Variants in SGTB observed in about 807,000 individuals in gnomAD.
The protein encoded by SGTB is small glutamine rich tetratricopeptide repeat co-chaperone beta, also known as small glutamine-rich tetratricopeptide repeat-containing protein beta.
In SGTB, 19 loss-of-function variants were observed where a neutral mutation model predicts 43.9. The observed-to-expected ratio is 0.43, with a 90% CI of 0.30 to 0.63. The LOEUF (loss-of-function observed/expected upper bound fraction) is 0.63, where lower values mean the gene tolerates loss of function less well. Ranked by LOEUF, SGTB falls within the 30% of genes least tolerant of loss-of-function variation. SGTB has a pLI of 0.12. For synonymous variants in SGTB, 116 were observed against 117.3 expected (o/e 0.99, Z 0.07); for missense variants, 304 against 358.9 (o/e 0.85, Z 1.24).
intron 8 of SGTB, among the ~76,000 whole-genome samples, chr5:65,674,235 G>GA (rs1157041524): frequency 1.3e-5 from 2 of 151,968 alleles, no homozygotes; most frequent in Non-Finnish European, 2.9e-5. Context: ...CCTATTCTTT[G>GA]AAAAGGGTAA....
chr5:65,669,996 A>G lies in SGTB; in HGVS notation c.*250T>C, dbSNP rs1017017908. 1 of 396,234 alleles carries G rather than the reference A, an allele frequency of 2.5e-6. No homozygotes were observed. The highest frequency in any genetic ancestry group is 4.5e-6 in the Non-Finnish European group (1 of 221,642). The allele number at this position is 396,234 out of a possible 1,614,324, so 24.5% of individuals were successfully genotyped here. On this transcript the variant is annotated 3_prime_UTR_variant, in exon 11 of 11. Coordinates refer to ENST00000381007, the MANE Select transcript of SGTB (RefSeq NM_019072.3). ...GAAAATGGAACCTTATCCCAGTGCTATATTGGCACGTAACATGGCTAGTGA... is the reference window on the plus strand; with the variant it reads ...GAAAATGGAACCTTATCCCAGTGCTGTATTGGCACGTAACATGGCTAGTGA...
At chr5:65,676,820 C>A (rs1757273951) in intron 8 of SGTB, among the ~76,000 whole-genome samples, 1 of 152,016 alleles carries the variant, frequency 6.6e-6, no homozygotes, top group South Asian at 2.1e-4. Flanking sequence ...GCTAAAATTT[C>A]ATTCTTGTTA....
chr5:65,692,150 G>A (rs1757626767), intron 5 of SGTB, among the ~76,000 whole-genome samples: 1 of 152,088 alleles, frequency 6.6e-6, no homozygotes, highest in African/African-American at 2.4e-5. Flanking sequence ...GCCGAAAAAG[G>A]AAGAGAGGAA....
At chr5:65,691,095 A>G (rs28410888) in intron 5 of SGTB, among the ~76,000 whole-genome samples, 8,616 of 152,264 alleles carry the variant, frequency 0.057, 801 homozygotes, top group African/African-American at 0.2. Context: ...GGTTTTCACC[A>G]TGGGAGAAGG....
chr5:65,688,205 A>G (rs1757535653), intron 5 of SGTB, among the ~76,000 whole-genome samples: 1 of 152,200 alleles, frequency 6.6e-6, no homozygotes, highest in Non-Finnish European at 1.5e-5. Context: ...TAATAAGCAG[A>G]GCCACTGGAA....
At chr5:65,709,382 GTT>G (rs547273264) in intron 3 of SGTB, among the ~76,000 whole-genome samples, 2,143 of 141,566 alleles carry the variant, frequency 0.015, 47 homozygotes, top group African/African-American at 0.052. Context: ...ATATTGTCCA[GTT>G]TTTTTTTTTT....
At chr5:65,714,624 G>A (rs1364928108) in intron 2 of SGTB, among the ~76,000 whole-genome samples, 1 of 152,180 alleles carries the variant, frequency 6.6e-6, no homozygotes, top group Non-Finnish European at 1.5e-5. Flanking sequence ...AGACCAGCCT[G>A]GCCAACATGG....
intron 8 of SGTB, among the ~76,000 whole-genome samples, chr5:65,680,289 T>C (rs971115985): frequency 7.9e-5 from 12 of 152,152 alleles, no homozygotes; most frequent in African/African-American, 2.9e-4. Context: ...GTTTTACCTA[T>C]GTAACAAACC....
chr5:65,668,458 T>G lies in SGTB; in HGVS notation c.*1788A>C, dbSNP rs1386238560. 1 of 151,344 alleles carries G rather than the reference T, an allele frequency of 6.6e-6. No individual in the cohort carries two copies. The highest frequency in any genetic ancestry group is 1.5e-5 in the Non-Finnish European group (1 of 67,976). 9.4% of individuals were successfully genotyped at this position (151,344 alleles called of 1,614,324 possible). A position where few individuals can be genotyped will look rare whatever the true frequency, so the allele number is the denominator to read the frequency against. ...AACTCTCTCCATTAAAAACAAAAATTAGCGGCCAGGCACGGTGGCTCACGC... is the reference window on the plus strand; with the variant it reads ...AACTCTCTCCATTAAAAACAAAAATGAGCGGCCAGGCACGGTGGCTCACGC... On this transcript the variant is annotated 3_prime_UTR_variant, in exon 11 of 11. Coordinates refer to ENST00000381007, the MANE Select transcript of SGTB (RefSeq NM_019072.3).
intron 10 of SGTB, among the ~76,000 whole-genome samples, chr5:65,671,649 GT>G (rs1757156513): frequency 5.3e-5 from 2 of 37,888 alleles, no homozygotes; most frequent in Admixed American, 2.1e-4. Flanking sequence ...GGGGGCGGGG[GT>G]GGGGGTGGGG....
intron 2 of SGTB, 49 bp downstream of exon 2, chr5:65,720,659 T>C (rs1044105446): frequency 6.3e-7 from 1 of 1,577,702 alleles, no homozygotes; most frequent in African/African-American, 1.4e-5. Flanking sequence ...GCTATTTTAG[T>C]CTTCGTTTAT....
chr5:65,676,837 A>C (rs913773709), intron 8 of SGTB, among the ~76,000 whole-genome samples: 33 of 152,270 alleles, frequency 2.2e-4, no homozygotes, highest in African/African-American at 7.9e-4. Context: ...GTTAAGAAAG[A>C]AATTTATAGC....
chr5:65,671,204 A>C (rs1445672624), intron 10 of SGTB, among the ~76,000 whole-genome samples: 1 of 152,034 alleles, frequency 6.6e-6, no homozygotes, highest in East Asian at 1.9e-4. Flanking sequence ...CTGCTGAAAA[A>C]CTTCCTGGAT....
chr5:65,693,262 A>G (rs540735558), intron 5 of SGTB, among the ~76,000 whole-genome samples: 1 of 150,866 alleles, frequency 6.6e-6, no homozygotes, highest in South Asian at 2.1e-4. Flanking sequence ...GGAAGGAAGG[A>G]AGGAAGGAAC....
chr5:65,705,959 C>T (rs895175838), intron 4 of SGTB, among the ~76,000 whole-genome samples: 1 of 151,842 alleles, frequency 6.6e-6, no homozygotes, highest in African/African-American at 2.4e-5. Context: ...TTGCTTGAGC[C>T]CAAGAGGTTG....
At chr5:65,710,941 A>G (rs1405134905) in intron 3 of SGTB, among the ~76,000 whole-genome samples, 1 of 150,936 alleles carries the variant, frequency 6.6e-6, no homozygotes, top group Non-Finnish European at 1.5e-5. Context: ...AGTTGCAGTC[A>G]GCTGAGATCA....
chr5:65,700,935 G>C (rs1208166347), intron 5 of SGTB, among the ~76,000 whole-genome samples: 1 of 148,594 alleles, frequency 6.7e-6, no homozygotes, highest in Non-Finnish European at 1.5e-5. Context: ...ACTTGAACCT[G>C]GGAGGCGGAG....
intron 8 of SGTB, among the ~76,000 whole-genome samples, chr5:65,675,772 C>T (rs1757254167): frequency 6.6e-6 from 1 of 152,104 alleles, no homozygotes. Flanking sequence ...AAATAAGATC[C>T]TTTTCAGACA....
chr5:65,708,469 T>C lies in SGTB; in HGVS notation c.274+20A>G. The C allele has an allele frequency of 1.2e-6, 2 of 1,608,136 alleles. No homozygotes were observed. Among genetic ancestry groups the C allele is most frequent in the Non-Finnish European group, 1.7e-6 (2 of 1,176,956 alleles). On this transcript the variant is annotated intron_variant, in intron 4 of 10. Transcript: ENST00000381007. ...TCAGAAAGCTTTACTAAGTAAGTCATTTTTGTATGAAATATTCACCTTCAT... is the reference window on the plus strand; with the variant it reads ...TCAGAAAGCTTTACTAAGTAAGTCACTTTTGTATGAAATATTCACCTTCAT...
Sources: gnomAD v4.1 joint callset for allele counts (sites outside exome capture counted in the v4.1 genomes callset) on GRCh38, gnomAD v4.1.1 for gene constraint, MANE v1.5 for transcripts, NCBI Gene and HGNC (gene_info 2026-07-23, HGNC 2026-07-21) for gene names.